The following YES1 variants were observed in gnomAD, a reference collection of about 807,000 sequenced individuals.
YES1 encodes YES proto-oncogene 1, Src family tyrosine kinase, also known as tyrosine-protein kinase Yes.
YES1 carries 39 observed loss-of-function variants against 70.4 expected under a neutral mutation model. The observed-to-expected ratio is 0.55, with a 90% CI of 0.43 to 0.72. The LOEUF is 0.72. Among genes scored for constraint, YES1 ranks in the 30% least tolerant of loss-of-function variants. The pLI is 0.00. For synonymous variants in YES1, 198 were observed against 218.6 expected, an observed-to-expected ratio of 0.91 and a Z score of 0.83; for missense variants, 495 against 644.8, an observed-to-expected ratio of 0.77 and a Z score of 2.52.
chr18:760,356 G>A (rs939480263), intron 1 of YES1, among the ~76,000 whole-genome samples: 5 of 152,076 alleles, frequency 3.3e-5, no homozygotes, highest in South Asian at 2.1e-4. Context: ...TGTAGTCCCC[G>A]CTACTCGGGA....
chr18:724,478 C>A lies in YES1; in HGVS notation c.1578G>T (p.Leu526Phe). 2 of 1,614,110 alleles carry A rather than the reference C, an allele frequency of 1.2e-6. No homozygotes were observed. The highest frequency in any genetic ancestry group is 1.7e-6 in the Non-Finnish European group (2 of 1,180,020). The change falls in exon 12 of 12, where the codon TTG becomes TTT. Residue 526 changes from leucine (L) to phenylalanine (F), a missense_variant. Coordinates refer to ENST00000314574, the MANE Select transcript of YES1 (RefSeq NM_005433.4). ...GCTCTGTAGCAGTGAAGTAGTCTTCCAAGAAGGACTGAATATATTCAAATG... is the reference window on the plus strand; with the variant it reads ...GCTCTGTAGCAGTGAAGTAGTCTTCAAAGAAGGACTGAATATATTCAAATG... Reference protein sequence around the residue: ...RPTFEYIQSFLEDYFTATEPQ... With the variant: ...RPTFEYIQSFFEDYFTATEPQ...
chr18:734,283 G>A (rs750010373), intron 10 of YES1, among the ~76,000 whole-genome samples: 10 of 144,870 alleles, frequency 6.9e-5, no homozygotes, highest in Non-Finnish European at 1.1e-4. Context: ...GGCCAGGCGC[G>A]GTGGCTCACG....
At chr18:731,734 G>A (rs1205419356) in intron 11 of YES1, among the ~76,000 whole-genome samples, 18 of 151,316 alleles carry the variant, frequency 1.2e-4, no homozygotes, top group African/African-American at 4.1e-4. Flanking sequence ...CTGGGAGGCC[G>A]AGGCGGGCAG....
intron 1 of YES1, among the ~76,000 whole-genome samples, chr18:772,784 A>G (rs1353638091): frequency 1.3e-5 from 2 of 152,098 alleles, no homozygotes; most frequent in East Asian, 1.9e-4. Flanking sequence ...TTTACTCTCT[A>G]CTGACATACC....
intron 1 of YES1, among the ~76,000 whole-genome samples, chr18:758,020 C>A (rs1904383934): frequency 6.6e-6 from 1 of 151,782 alleles, no homozygotes; most frequent in Non-Finnish European, 1.5e-5. Context: ...CTGTCTATAC[C>A]AGGACTATGT....
chr18:798,352 T>C (rs1243248187), intron 1 of YES1, among the ~76,000 whole-genome samples: 1 of 152,214 alleles, frequency 6.6e-6, no homozygotes, highest in Non-Finnish European at 1.5e-5. Flanking sequence ...CATCGGTCAT[T>C]GTAAAAATCC....
chr18:756,566 C>A lies in YES1; in HGVS notation c.262G>T (p.Gly88Cys). ...FSVVPSSYPA[G>C]LTGGVTIFVA... ...TCCATTTAAATCTCACCTGTTAAAC[C>A]AGCAGGATATGAACTTGGCACCACT... The change falls in exon 2 of 12, where the codon GGT becomes TGT. Residue 88 changes from glycine to cysteine, a missense_variant. By Grantham distance (159) the Gly-to-Cys change is radical. Coordinates refer to ENST00000314574, the MANE Select transcript of YES1 (RefSeq NM_005433.4). 1 of 1,614,100 alleles carries A rather than the reference C, an allele frequency of 6.2e-7. No homozygotes were observed. The highest frequency in any genetic ancestry group is 1.1e-5 in the South Asian group (1 of 91,068).
rs8094573 is a variant in YES1 at position 802,959 on chromosome 18, G to A, written c.-9+9155C>T. On this transcript the variant is annotated intron_variant, in intron 1 of 11. Transcript: ENST00000314574. ...AAATAAAAAACAGGCTGGGCATGGT[G>A]GCTCACACCTGTTTTCCCAGCACTT... Among the ~76,000 whole-genome samples the A allele has an allele frequency of 2.3e-3, 352 of 152,250 alleles. 1 individual carries two copies. Among genetic ancestry groups the A allele is most frequent in the African/African-American group, 8.3e-3 (346 of 41,548 alleles).
rs1289775054 is a variant in YES1 at position 723,411 on chromosome 18, T to A, written c.*1013A>T. The A allele has an allele frequency of 6.5e-6, 1 of 152,676 alleles. No individual in the cohort carries two copies. Among genetic ancestry groups the A allele is most frequent in the East Asian group, 1.9e-4 (1 of 5,200 alleles). The allele number at this position is 152,676 out of a possible 1,614,324, so 9.5% of individuals were successfully genotyped here. On this transcript the variant is annotated 3_prime_UTR_variant, in exon 12 of 12. Coordinates refer to ENST00000314574, the MANE Select transcript of YES1 (RefSeq NM_005433.4). ...AACTTTCACTTTCTTTTCTCGTATTTCTTTTAAATACATTTTCCTCTCTGT... is the reference window on the plus strand; with the variant it reads ...AACTTTCACTTTCTTTTCTCGTATTACTTTTAAATACATTTTCCTCTCTGT...
chr18:771,329 T>C (rs1417793720), intron 1 of YES1, among the ~76,000 whole-genome samples: 1 of 151,266 alleles, frequency 6.6e-6, no homozygotes, highest in Non-Finnish European at 1.5e-5. Flanking sequence ...ATTGCACCAC[T>C]ACACTACAGC....
intron 1 of YES1, among the ~76,000 whole-genome samples, chr18:791,313 G>A (rs980444694): frequency 2.0e-5 from 3 of 151,556 alleles, no homozygotes; most frequent in Non-Finnish European, 2.9e-5. Context: ...TGAACAAAAC[G>A]TCCCAGGCAT....
chr18:728,153 T>C (rs867407478), intron 11 of YES1, among the ~76,000 whole-genome samples: 4 of 151,940 alleles, frequency 2.6e-5, no homozygotes, highest in African/African-American at 9.7e-5. Context: ...CTGGGCAACA[T>C]GGTGAGACCC....
At chr18:787,089 T>C (rs1905997226) in intron 1 of YES1, among the ~76,000 whole-genome samples, 2 of 110,584 alleles carry the variant, frequency 1.8e-5, no homozygotes, top group South Asian at 3.5e-4. Context: ...TCTTTTTTTT[T>C]TTTTTTTTTT....
intron 1 of YES1, among the ~76,000 whole-genome samples, chr18:788,152 T>TA (rs1237671648): frequency 1.3e-5 from 2 of 152,142 alleles, no homozygotes; most frequent in African/African-American, 2.4e-5. Context: ...AATAATGAAG[T>TA]AAAAAAATTA....
intron 1 of YES1, among the ~76,000 whole-genome samples, chr18:789,943 CA>C (rs966561409): frequency 1.3e-5 from 2 of 152,122 alleles, no homozygotes; most frequent in African/African-American, 2.4e-5. Context: ...ACTGTAATCC[CA>C]GCTACTTGGA....
intron 1 of YES1, among the ~76,000 whole-genome samples, chr18:804,609 C>CAAAAAAAA: frequency 2.6e-5 from 1 of 38,772 alleles, no homozygotes; most frequent in Non-Finnish European, 4.9e-5. Flanking sequence ...GACTGAGTCT[C>CAAAAAAAA]AAAAAAAAAA....
At chr18:794,885 C>T (rs759122264) in intron 1 of YES1, among the ~76,000 whole-genome samples, 5 of 152,168 alleles carry the variant, frequency 3.3e-5, no homozygotes, top group Admixed American at 6.5e-5. Flanking sequence ...GGTGCAATCT[C>T]GGCTCACTGC....
chr18:764,585 G>T (rs1321105458), intron 1 of YES1, among the ~76,000 whole-genome samples: 2 of 152,112 alleles, frequency 1.3e-5, no homozygotes, highest in Admixed American at 6.6e-5. Flanking sequence ...CAGAGGAAAA[G>T]ATTTTTTGGA....
chr18:809,894 C>G (rs1443514033), intron 1 of YES1, among the ~76,000 whole-genome samples: 1 of 152,104 alleles, frequency 6.6e-6, no homozygotes, highest in Non-Finnish European at 1.5e-5. Flanking sequence ...AACTTTGTCA[C>G]CACTTCAGAA....
Sources: gnomAD v4.1 joint callset for allele counts (sites outside exome capture counted in the v4.1 genomes callset) on GRCh38, gnomAD v4.1.1 for gene constraint, MANE v1.5 for transcripts, NCBI Gene and HGNC (gene_info 2026-07-23, HGNC 2026-07-21) for gene names.